Variants in NTM observed in about 807,000 individuals in gnomAD.
NTM encodes neurotrimin.
Under a neutral mutation model 42.1 loss-of-function variants are expected in NTM, and 13 were observed. That is an observed-to-expected ratio of 0.31 (90% CI 0.20 to 0.49). The LOEUF is 0.49. Among genes scored for constraint, NTM ranks in the 20% least tolerant of loss-of-function variants. The pLI is 0.99. For synonymous variants in NTM, 187 were observed against 179.2 expected (o/e 1.04, Z -0.35); for missense variants, 373 against 452.8 (o/e 0.82, Z 1.60).
chr11:132,159,225 C>A (rs1404572151), intron 3 of NTM, among the ~76,000 whole-genome samples: 55 of 152,080 alleles, frequency 3.6e-4, no homozygotes, highest in African/African-American at 7.2e-5. Context: ...TTAGAGCAGC[C>A]GATCCATGGC....
intron 1 of NTM, among the ~76,000 whole-genome samples, chr11:131,755,476 C>G (rs1246935523): frequency 6.6e-6 from 1 of 152,116 alleles, no homozygotes; most frequent in Non-Finnish European, 1.5e-5. Flanking sequence ...ACTGGATGAC[C>G]AGCTAAATTC....
intron 1 of NTM, among the ~76,000 whole-genome samples, chr11:131,601,013 C>T (rs574272984): frequency 6.6e-6 from 1 of 152,298 alleles, no homozygotes; most frequent in Non-Finnish European, 1.5e-5. Context: ...CAGTACTGCT[C>T]GGAGCTGGAT....
At position 132,043,958 on chromosome 11, in the gene NTM, ATGTGTGTGTG is replaced by A. The variant is rs71067353; in HGVS notation, c.168-102298_168-102289del. On this transcript the variant is annotated intron_variant, in intron 2 of 8. Coordinates refer to ENST00000683400, the MANE Select transcript of NTM (RefSeq NM_001352005.2). ...CATTTTAAGAAGACAGACACCAACT[ATGTGTGTGTG>A]TGTGTGTGTGTGTGTGTGTGTGTGT... 3.6e-3 allele frequency among the ~76,000 whole-genome samples: 522 copies of A among 146,336 alleles called. 8 individuals are homozygous for A. The highest frequency in any genetic ancestry group is 9.2e-3 in the African/African-American group (364 of 39,772).
At chr11:131,984,440 T>G (rs2134981192) in intron 2 of NTM, 1 of 152,364 alleles carries the variant, frequency 6.6e-6, no homozygotes, top group South Asian at 2.1e-4. Context: ...GAGAAGCTTC[T>G]TATCTATACT....
chr11:131,642,085 C>T (rs1169980729), intron 1 of NTM, among the ~76,000 whole-genome samples: 1 of 152,092 alleles, frequency 6.6e-6, no homozygotes, highest in East Asian at 1.9e-4. Flanking sequence ...AAGAGGAGAA[C>T]AAAAGGAGAT....
chr11:132,164,395 C>CA (rs2074925935), intron 3 of NTM, among the ~76,000 whole-genome samples: 1 of 152,228 alleles, frequency 6.6e-6, no homozygotes, highest in South Asian at 2.1e-4. Context: ...ATCCATTAGA[C>CA]ATCAGCCTCA....
chr11:131,592,424 C>T (rs1237521619), intron 1 of NTM, among the ~76,000 whole-genome samples: 17 of 151,132 alleles, frequency 1.1e-4, no homozygotes, highest in Admixed American at 1.1e-3. Flanking sequence ...TCAGTAATGA[C>T]TTGTTTAGTA....
chr11:131,411,851 C>T (rs1371365149), intron 1 of NTM, among the ~76,000 whole-genome samples: 1 of 152,034 alleles, frequency 6.6e-6, no homozygotes, highest in Non-Finnish European at 1.5e-5. Context: ...TGGAACAGAG[C>T]CCTAAGGACA....
intron 1 of NTM, among the ~76,000 whole-genome samples, chr11:131,755,681 G>A (rs1028373718): frequency 1.3e-5 from 2 of 152,172 alleles, no homozygotes; most frequent in African/African-American, 2.4e-5. Context: ...ATGTGTGGAA[G>A]GATTTTCTTT....
At position 131,879,677 on chromosome 11, in the gene NTM, G is replaced by T. The variant is rs114757276; in HGVS notation, c.83-31887G>T. Among the ~76,000 whole-genome samples the T allele has an allele frequency of 9.4e-3, 1,432 of 152,174 alleles. 25 individuals carry two copies. The highest frequency in any genetic ancestry group is 0.032 in the African/African-American group (1,348 of 41,508). Reference sequence around the variant, plus strand: ...AAAAAATACTTATTTGAAAAATATTGATTTTTTTGTCACCTTTGAATCAGA... The same window carrying T: ...AAAAAATACTTATTTGAAAAATATTTATTTTTTTGTCACCTTTGAATCAGA... On this transcript the variant is annotated intron_variant, in intron 1 of 8. Coordinates refer to ENST00000683400, the MANE Select transcript of NTM (RefSeq NM_001352005.2).
chr11:131,952,284 G>C (rs2061088663), intron 2 of NTM, among the ~76,000 whole-genome samples: 1 of 152,118 alleles, frequency 6.6e-6, no homozygotes, highest in Non-Finnish European at 1.5e-5. Flanking sequence ...TTGAATTATA[G>C]ATGTATGCAT....
At chr11:131,623,868 A>AG (rs1592264717) in intron 1 of NTM, among the ~76,000 whole-genome samples, 1 of 152,248 alleles carries the variant, frequency 6.6e-6, no homozygotes, top group African/African-American at 2.4e-5. Flanking sequence ...CTGTTAGCCA[A>AG]GGAAAAACCT....
At chr11:131,908,654 G>T (rs1376413824) in intron 1 of NTM, among the ~76,000 whole-genome samples, 1 of 152,196 alleles carries the variant, frequency 6.6e-6, no homozygotes, top group Non-Finnish European at 1.5e-5. Flanking sequence ...AATTATTAGA[G>T]GTGACCCCTT....
In NTM at chr11:132,310,133, C is replaced by G; in HGVS notation, c.683C>G (p.Ala228Gly). The change falls in exon 6 of 9, where the codon GCC (alanine) becomes GGC (glycine). Residue 228 changes from alanine to glycine, a missense_variant. Physicochemically the swap from Ala to Gly is moderately conservative, Grantham distance 60 (BLOSUM62 0). This residue lies in a region of NTM where 312 missense variants were observed against 353.5 expected (regional missense o/e 0.88). Transcript: ENST00000683400. ...GCAGATCCACCATACATTTCAGAAG[C>G]CAAGGGTACAGGTGTCCCCGTGGGA... ...TVNYPPYISE[A>G]KGTGVPVGQK... 6.2e-7 allele frequency: 1 copy of G among 1,605,254 alleles called. No homozygotes were observed. Among genetic ancestry groups the G allele is most frequent in the Non-Finnish European group, 8.5e-7 (1 of 1,177,110 alleles).
intron 1 of NTM, among the ~76,000 whole-genome samples, chr11:131,707,712 C>A (rs1456085456): frequency 6.6e-6 from 1 of 151,976 alleles, no homozygotes; most frequent in Non-Finnish European, 1.5e-5. Flanking sequence ...TTGCTTTTGA[C>A]AAAATTCAAT....
At chr11:132,001,474 C>T (rs2069216681) in intron 2 of NTM, among the ~76,000 whole-genome samples, 2 of 152,112 alleles carry the variant, frequency 1.3e-5, no homozygotes, top group South Asian at 4.1e-4. Flanking sequence ...GGAAGCAAAG[C>T]ATGGCACCGG....
chr11:131,503,928 C>A (rs1456365331), intron 1 of NTM, among the ~76,000 whole-genome samples: 1 of 152,214 alleles, frequency 6.6e-6, no homozygotes, highest in Non-Finnish European at 1.5e-5. Flanking sequence ...ATGCCATCAC[C>A]AACCCCTACA....
intron 1 of NTM, among the ~76,000 whole-genome samples, chr11:131,468,832 C>A (rs1472015445): frequency 6.6e-6 from 1 of 152,184 alleles, no homozygotes; most frequent in Non-Finnish European, 1.5e-5. Flanking sequence ...AGCTGATTGG[C>A]CAGCAAAATT....
At chr11:131,559,458 A>C (rs1164517852) in intron 1 of NTM, among the ~76,000 whole-genome samples, 1 of 152,164 alleles carries the variant, frequency 6.6e-6, no homozygotes, top group East Asian at 1.9e-4. Context: ...CTTCATATCC[A>C]TCAGGAAAAG....
Sources: gnomAD v4.1 joint callset for allele counts (sites outside exome capture counted in the v4.1 genomes callset) on GRCh38, gnomAD v4.1.1 for gene constraint, gnomAD v4.1.1 regional missense constraint, MANE v1.5 for transcripts, NCBI Gene and HGNC (gene_info 2026-07-23, HGNC 2026-07-21) for gene names.